Variants in GLCCI1 observed in about 807,000 individuals in gnomAD.
GLCCI1 encodes the protein glucocorticoid induced 1, also known as glucocorticoid-induced transcript 1 protein.
GLCCI1 carries 24 observed loss-of-function variants against 52.2 expected under a neutral mutation model. The observed-to-expected ratio is 0.46, with a 90% CI of 0.33 to 0.65. The LOEUF (loss-of-function observed/expected upper bound fraction) is 0.65, where lower values mean the gene tolerates loss of function less well. GLCCI1 is among the 30% of genes least tolerant of loss of function. The probability of loss-of-function intolerance (pLI) is 0.02; values close to 1 mark genes in which losing one functional copy is unlikely to be tolerated. For synonymous variants in GLCCI1, 310 were observed against 276.5 expected, an observed-to-expected ratio of 1.12 and a Z score of -1.20; for missense variants, 704 against 701.5, an observed-to-expected ratio of 1.00 and a Z score of -0.04.
At chr7:8,009,933 TG>T (rs549057667) in intron 2 of GLCCI1, among the ~76,000 whole-genome samples, 5 of 150,324 alleles carry the variant, frequency 3.3e-5, no homozygotes, top group African/African-American at 9.9e-5. Flanking sequence ...GCACTGGAAG[TG>T]GTTTTTTTTT....
At chr7:8,039,812 C>T (rs1240478143) in intron 3 of GLCCI1, among the ~76,000 whole-genome samples, 1 of 152,056 alleles carries the variant, frequency 6.6e-6, no homozygotes, top group Non-Finnish European at 1.5e-5. Context: ...GCCTGGCCAA[C>T]GTGGTGAAAC....
intron 1 of GLCCI1, among the ~76,000 whole-genome samples, chr7:7,990,627 TTG>T (rs1780821274): frequency 6.6e-6 from 1 of 152,014 alleles, no homozygotes; most frequent in African/African-American, 2.4e-5. Flanking sequence ...TTTTACTGTG[TTG>T]TGTTTTACTC....
At chr7:7,980,114 C>T (rs754705867) in intron 1 of GLCCI1, among the ~76,000 whole-genome samples, 8 of 152,106 alleles carry the variant, frequency 5.3e-5, no homozygotes, top group Admixed American at 2.6e-4. Flanking sequence ...GATGGGGTTT[C>T]GAACTCCTGG....
At chr7:7,988,972 T>C (rs1243511085) in intron 1 of GLCCI1, among the ~76,000 whole-genome samples, 2 of 152,126 alleles carry the variant, frequency 1.3e-5, no homozygotes, top group Admixed American at 1.3e-4. Context: ...TCCTCCTCAT[T>C]CTTTCTTTTC....
chr7:8,046,941 T>G (rs1782142479), intron 3 of GLCCI1, among the ~76,000 whole-genome samples: 1 of 152,082 alleles, frequency 6.6e-6, no homozygotes, highest in South Asian at 2.1e-4. Flanking sequence ...TTTGTTAGAT[T>G]TGGAGATGGA....
intron 1 of GLCCI1, among the ~76,000 whole-genome samples, chr7:7,971,724 A>G (rs1372401785): frequency 6.6e-6 from 1 of 152,220 alleles, no homozygotes; most frequent in Non-Finnish European, 1.5e-5. Flanking sequence ...TTTTAATAAA[A>G]TTTGTGATCT....
intron 3 of GLCCI1, among the ~76,000 whole-genome samples, chr7:8,042,484 A>C (rs1782022480): frequency 6.6e-6 from 1 of 152,212 alleles, no homozygotes; most frequent in African/African-American, 2.4e-5. Context: ...AAGTCACTGC[A>C]GATGTGGTGG....
rs1349874125 is a variant in GLCCI1 at position 8,080,190 on chromosome 7, AG to A, written c.1178-4706del. On this transcript the variant is annotated intron_variant, in intron 6 of 7. Coordinates refer to ENST00000223145, the MANE Select transcript of GLCCI1 (RefSeq NM_138426.4). ...TCATTAGGCCTTCAAACCCCATTATAGTTGATAATTTCATTTCCTGAAGCAA... is the reference window on the plus strand; with the variant it reads ...TCATTAGGCCTTCAAACCCCATTATATTGATAATTTCATTTCCTGAAGCAA... 2.0e-5 allele frequency among the ~76,000 whole-genome samples: 3 copies of A among 151,496 alleles called. 1 individual carries two copies. The highest frequency in any genetic ancestry group is 7.4e-5 in the African/African-American group (3 of 40,802).
chr7:8,031,708 T>C (rs957084502), intron 3 of GLCCI1, among the ~76,000 whole-genome samples: 1 of 151,586 alleles, frequency 6.6e-6, no homozygotes, highest in East Asian at 1.9e-4. Flanking sequence ...AAAATTTTTT[T>C]AAATAAATAT....
rs563549041 is a variant in GLCCI1 at position 7,989,203 on chromosome 7, AC to A, written c.458-14702del. Reference sequence around the variant, plus strand: ...TTAAATTGTAGCGGCTAGCATTACCACCCTTACTGTACTTTAGAGTTTGAAG... The same window carrying A: ...TTAAATTGTAGCGGCTAGCATTACCACCTTACTGTACTTTAGAGTTTGAAG... On this transcript the variant is annotated intron_variant, in intron 1 of 7. Coordinates refer to ENST00000223145, the MANE Select transcript of GLCCI1 (RefSeq NM_138426.4). Among the ~76,000 whole-genome samples the A allele has an allele frequency of 2.6e-3, 392 of 152,240 alleles. 1 individual carries two copies. The highest frequency in any genetic ancestry group is 8.8e-3 in the African/African-American group (365 of 41,556).
chr7:8,033,933 G>A (rs1211880257), intron 3 of GLCCI1, among the ~76,000 whole-genome samples: 1 of 152,016 alleles, frequency 6.6e-6, no homozygotes, highest in East Asian at 1.9e-4. Context: ...GAAATACAAA[G>A]GATCTAGAAA....
At chr7:7,983,633 T>C (rs1352143383) in intron 1 of GLCCI1, among the ~76,000 whole-genome samples, 1 of 152,224 alleles carries the variant, frequency 6.6e-6, no homozygotes, top group Non-Finnish European at 1.5e-5. Context: ...ACATAGGGTT[T>C]ATATAGAGAT....
At chr7:8,042,087 A>T (rs1782013024) in intron 3 of GLCCI1, among the ~76,000 whole-genome samples, 2 of 152,222 alleles carry the variant, frequency 1.3e-5, no homozygotes, top group African/African-American at 4.8e-5. Context: ...AAAAAGGAAA[A>T]GATTCTTTTC....
chr7:8,042,911 C>T (rs1266912410), intron 3 of GLCCI1, among the ~76,000 whole-genome samples: 1 of 152,170 alleles, frequency 6.6e-6, no homozygotes, highest in Non-Finnish European at 1.5e-5. Flanking sequence ...AACAGCATCA[C>T]ATGCTACAAA....
chr7:8,006,264 G>C (rs1781146939), intron 2 of GLCCI1, among the ~76,000 whole-genome samples: 1 of 152,216 alleles, frequency 6.6e-6, no homozygotes, highest in Non-Finnish European at 1.5e-5. Context: ...ATGCTAAAGA[G>C]AGGTCATGGT....
intron 3 of GLCCI1, among the ~76,000 whole-genome samples, chr7:8,035,927 G>T (rs117068618): frequency 5.3e-5 from 8 of 152,186 alleles, no homozygotes; most frequent in Non-Finnish European, 7.3e-5. Flanking sequence ...TGAAGAGCAG[G>T]CTTGGTGGTT....
chr7:7,982,004 T>C, intron 1 of GLCCI1: 1 of 422,272 alleles, frequency 2.4e-6, no homozygotes. Context: ...AAGTTTGGAG[T>C]TTGGTCACTA....
At chr7:8,032,615 T>A (rs575766739) in intron 3 of GLCCI1, among the ~76,000 whole-genome samples, 9 of 152,092 alleles carry the variant, frequency 5.9e-5, no homozygotes, top group Non-Finnish European at 1.2e-4. Flanking sequence ...TATGAACAAC[T>A]TTATGCCATC....
chr7:7,973,142 C>G (rs1402750152), intron 1 of GLCCI1, among the ~76,000 whole-genome samples: 1 of 152,012 alleles, frequency 6.6e-6, no homozygotes, highest in Non-Finnish European at 1.5e-5. Context: ...GACGTAAAAT[C>G]ATAAAGTATT....
Sources: gnomAD v4.1 joint callset for allele counts (sites outside exome capture counted in the v4.1 genomes callset) on GRCh38, gnomAD v4.1.1 for gene constraint, MANE v1.5 for transcripts, NCBI Gene and HGNC (gene_info 2026-07-23, HGNC 2026-07-21) for gene names.